Variants in TSHZ3 observed in about 807,000 individuals in gnomAD.
TSHZ3 encodes the protein teashirt zinc finger homeobox 3.
TSHZ3 carries 10 observed loss-of-function variants against 64.5 expected under a neutral mutation model. The observed-to-expected ratio is 0.16, with a 90% confidence interval of 0.10 to 0.26. TSHZ3 has a LOEUF of 0.26. Among genes scored for constraint, TSHZ3 ranks in the 10% least tolerant of loss-of-function variants. TSHZ3 has a pLI of 1.00. For synonymous variants in TSHZ3, 608 were observed against 593.1 expected, an observed-to-expected ratio of 1.03 and a Z score of -0.36; for missense variants, 1,242 against 1,421.7, an observed-to-expected ratio of 0.87 and a Z score of 2.03.
intron 1 of TSHZ3, among the ~76,000 whole-genome samples, chr19:31,340,338 CAAAAAAAAAAAAAA>C (rs1160334453): frequency 3.1e-5 from 1 of 32,762 alleles, no homozygotes; most frequent in African/African-American, 9.8e-5. Context: ...GCCTACAGTA[CAAAAAAAAAAAAAA>C]AAAAAAAAAA....
chr19:31,187,704 C>T (rs1974834738), intron 5 of TSHZ3, among the ~76,000 whole-genome samples: 1 of 152,052 alleles, frequency 6.6e-6, no homozygotes, highest in Non-Finnish European at 1.5e-5. Flanking sequence ...CTGCCCTTTT[C>T]TCATTGAATT....
chr19:31,279,499 C>A lies in TSHZ3; in HGVS notation c.294G>T (p.Glu98Asp). 2 of 1,613,998 alleles carry A rather than the reference C, an allele frequency of 1.2e-6. No individual in the cohort carries two copies. Among genetic ancestry groups the A allele is most frequent in the South Asian group, 2.2e-5 (2 of 91,076 alleles). ...CCAGTGGGACCGTGACCTCCTTGGT[C>A]TCCTCTTCGTTCTTGATGGAGCCGC... ...FESGSIKNEE[E>D]TKEVTVPLED... The change falls in exon 2 of 2, where the codon GAG becomes GAT. Residue 98 changes from glutamate to aspartate, a missense_variant. By Grantham distance (45) the Glu-to-Asp change is conservative. Around this residue, in one of 4 missense-constraint regions of TSHZ3, gnomAD observed 555 missense variants for 704.0 expected, o/e 0.79. Transcript: ENST00000240587. This position sits in a 1 kb window ranked among gnomAD's most constrained non-coding sequence, Gnocchi z 6.4.
At chr19:31,338,934 AG>A (rs539299561) in intron 1 of TSHZ3, among the ~76,000 whole-genome samples, 27 of 151,870 alleles carry the variant, frequency 1.8e-4, no homozygotes, top group Non-Finnish European at 3.4e-4. Context: ...GCCAATCGAT[AG>A]AAACACACAC....
At chr19:31,258,661 C>G (rs1030841693) in intron 1 of TSHZ3, among the ~76,000 whole-genome samples, 1 of 152,166 alleles carries the variant, frequency 6.6e-6, no homozygotes, top group African/African-American at 2.4e-5. Context: ...AGTGCCTTGT[C>G]CGTGAAAGAT....
At chr19:31,163,314 A>T (rs1974394740) in intron 5 of TSHZ3, among the ~76,000 whole-genome samples, 1 of 152,220 alleles carries the variant, frequency 6.6e-6, no homozygotes, top group South Asian at 2.1e-4. Context: ...GTCTGGAAAG[A>T]TGAAATCTGA....
At chr19:31,270,693 G>A (rs1404905960), downstream of TSHZ3, among the ~76,000 whole-genome samples, 1 of 152,194 alleles carries the variant, frequency 6.6e-6, no homozygotes, top group Non-Finnish European at 1.5e-5. Flanking sequence ...CATGTGGTTA[G>A]TATGATTGAC....
exon 7 of TSHZ3, among the ~76,000 whole-genome samples, chr19:31,150,975 C>T (rs912034008): frequency 6.6e-6 from 1 of 152,152 alleles, no homozygotes; most frequent in African/African-American, 2.4e-5. Flanking sequence ...TTCTATTCTT[C>T]TTGGCTTCTG....
chr19:31,216,558 C>T (rs1426011706), intron 4 of TSHZ3, among the ~76,000 whole-genome samples: 1 of 151,992 alleles, frequency 6.6e-6, no homozygotes, highest in Non-Finnish European at 1.5e-5. Flanking sequence ...AAGCAGTTCT[C>T]CTGCCTCAGC....
intron 1 of TSHZ3, among the ~76,000 whole-genome samples, chr19:31,243,590 G>A (rs1201846675): frequency 1.3e-5 from 2 of 152,138 alleles, no homozygotes. Flanking sequence ...GCCTGCATAT[G>A]GGATGAGTCC....
chr19:31,216,280 G>C (rs1975327850), intron 4 of TSHZ3, among the ~76,000 whole-genome samples: 1 of 152,136 alleles, frequency 6.6e-6, no homozygotes, highest in Middle Eastern at 3.2e-3. Context: ...CATGTCTCAA[G>C]CTGAGCACAC....
chr19:31,349,102 G>C, intron 1 of TSHZ3, 78 bp downstream of exon 1: 2 of 1,497,230 alleles, frequency 1.3e-6, no homozygotes, highest in Non-Finnish European at 8.9e-7. Context: ...GCGAGGAGCG[G>C]GGTCGCGCCC....
intron 1 of TSHZ3, among the ~76,000 whole-genome samples, chr19:31,292,729 CCCATCCATCCATCCAT>C (rs71173957): frequency 0.24 from 35,363 of 147,924 alleles, 5,214 homozygotes; most frequent in East Asian, 0.46. Context: ...AACCCATCCA[CCCATCCATCCATCCAT>C]CCATCCATCC....
intron 3 of TSHZ3, among the ~76,000 whole-genome samples, chr19:31,237,607 G>A (rs951408580): frequency 6.6e-6 from 1 of 151,794 alleles, no homozygotes; most frequent in Non-Finnish European, 1.5e-5. Flanking sequence ...ATTCATTGAT[G>A]TTTGTTCTTA....
At chr19:31,251,744 G>C (rs1186547021) in intron 1 of TSHZ3, among the ~76,000 whole-genome samples, 2 of 152,210 alleles carry the variant, frequency 1.3e-5, no homozygotes, top group Non-Finnish European at 2.9e-5. Context: ...AGGCTGTGCT[G>C]AGTGGGAATG....
chr19:31,230,080 G>T (rs1975518750), intron 3 of TSHZ3, among the ~76,000 whole-genome samples: 1 of 152,052 alleles, frequency 6.6e-6, no homozygotes, highest in African/African-American at 2.4e-5. Flanking sequence ...AATAACTGCA[G>T]AAATTTATTT....
chr19:31,314,123 G>A (rs1916539056), intron 1 of TSHZ3, among the ~76,000 whole-genome samples: 1 of 152,134 alleles, frequency 6.6e-6, no homozygotes, highest in Non-Finnish European at 1.5e-5. Flanking sequence ...ATGACATGAT[G>A]ACACAGGGTT....
rs1287901007 is a variant in TSHZ3, at chr19:31,277,454, T to C, written c.2339A>G (p.Tyr780Cys). ...QSKKADHLDR[Y>C]FYHVNNDQPI... ...CTGGTCGTTGTTGACGTGGTAGAAA[T>C]AGCGGTCGAGGTGGTCTGCCTTCTT... The change falls in exon 2 of 2, where the codon TAT (tyrosine) becomes TGT (cysteine). Residue 780 changes from tyrosine (Y) to cysteine (C), a missense_variant. Around this residue, in one of 4 missense-constraint regions of TSHZ3, gnomAD observed 550 missense variants for 545.1 expected, o/e 1.01. Transcript: ENST00000240587. This position sits in a 1 kb window ranked among gnomAD's most constrained non-coding sequence, Gnocchi z 4.5. The C allele has an allele frequency of 1.2e-6, 2 of 1,613,714 alleles. No homozygotes were observed. Among genetic ancestry groups the C allele is most frequent in the African/African-American group, 2.7e-5 (2 of 74,876 alleles).
intron 1 of TSHZ3, among the ~76,000 whole-genome samples, chr19:31,254,726 G>A (rs1975886303): frequency 6.6e-6 from 1 of 152,184 alleles, no homozygotes; most frequent in African/African-American, 2.4e-5. Flanking sequence ...TCCCCATTCT[G>A]GGCTCCAACC....
intron 1 of TSHZ3, among the ~76,000 whole-genome samples, chr19:31,327,714 G>A (rs918439843): frequency 9.9e-5 from 15 of 152,044 alleles, no homozygotes; most frequent in Non-Finnish European, 8.8e-5. Context: ...ATACTTAAAG[G>A]CAATAATATG....
Sources: gnomAD v4.1 joint callset for allele counts (sites outside exome capture counted in the v4.1 genomes callset) on GRCh38, gnomAD v4.1.1 for gene constraint, gnomAD v4.1.1 regional missense constraint, Gnocchi (gnomAD v3.1) non-coding constraint, MANE v1.5 for transcripts, NCBI Gene and HGNC (gene_info 2026-07-23, HGNC 2026-07-21) for gene names.